The following CTTNBP2NL variants were observed in gnomAD, a reference collection of about 807,000 sequenced individuals.
The protein encoded by CTTNBP2NL is CTTNBP2 N-terminal-like protein.
Under a neutral mutation model 32.5 loss-of-function variants are expected in CTTNBP2NL, and 16 were observed. That is an observed-to-expected ratio of 0.49 (90% confidence interval 0.33 to 0.75). The LOEUF (loss-of-function observed/expected upper bound fraction) is 0.75, where lower values mean the gene tolerates loss of function less well. CTTNBP2NL is among the 30% of genes least tolerant of loss of function. The pLI is 0.02. For missense variants in CTTNBP2NL, 645 were observed against 756.0 expected (o/e 0.85, Z 1.72); for synonymous variants, 298 against 289.4 (o/e 1.03, Z -0.30).
At chr1:112,415,515 A>G (rs1570721297) in intron 2 of CTTNBP2NL, among the ~76,000 whole-genome samples, 1 of 151,352 alleles carries the variant, frequency 6.6e-6, no homozygotes, top group South Asian at 2.1e-4. Context: ...TTATAACACA[A>G]TTTTACCTGA....
At chr1:112,413,635 G>A (rs1648952041) in intron 2 of CTTNBP2NL, among the ~76,000 whole-genome samples, 1 of 152,052 alleles carries the variant, frequency 6.6e-6, no homozygotes, top group Non-Finnish European at 1.5e-5. Context: ...TATTAGGTTT[G>A]TTAGAATTTT....
intron 3 of CTTNBP2NL, among the ~76,000 whole-genome samples, chr1:112,421,819 C>G (rs895983496): frequency 2.0e-5 from 3 of 152,144 alleles, no homozygotes; most frequent in African/African-American, 7.2e-5. Context: ...AGGGTGTACT[C>G]TGGTGCATGG....
At chr1:112,428,405 AG>A in intron 3 of CTTNBP2NL, among the ~76,000 whole-genome samples, 1 of 152,168 alleles carries the variant, frequency 6.6e-6, no homozygotes, top group Non-Finnish European at 1.5e-5. Flanking sequence ...TCAGACCTAC[AG>A]TTAAATTCTT....
chr1:112,421,242 A>T (rs1198208322), intron 3 of CTTNBP2NL, among the ~76,000 whole-genome samples: 1 of 150,436 alleles, frequency 6.6e-6, no homozygotes, highest in South Asian at 2.1e-4. Context: ...CTAGACTCGG[A>T]CTCCTAGCCT....
chr1:112,405,069 A>G (rs1648619901), intron 1 of CTTNBP2NL, among the ~76,000 whole-genome samples: 1 of 152,202 alleles, frequency 6.6e-6, no homozygotes, highest in Non-Finnish European at 1.5e-5. Context: ...CTCCATCTCA[A>G]AAAAAACAAA....
At chr1:112,429,590 A>G (rs1165656614) in intron 3 of CTTNBP2NL, among the ~76,000 whole-genome samples, 1 of 152,222 alleles carries the variant, frequency 6.6e-6, no homozygotes, top group Non-Finnish European at 1.5e-5. Flanking sequence ...AGATGTCCTT[A>G]GGCCTTTACA....
chr1:112,403,694 A>G (rs1010071847), intron 1 of CTTNBP2NL, among the ~76,000 whole-genome samples: 1 of 152,256 alleles, frequency 6.6e-6, no homozygotes, highest in South Asian at 2.1e-4. Context: ...AAGCAAAGGT[A>G]TGCGTTTACC....
intron 3 of CTTNBP2NL, among the ~76,000 whole-genome samples, chr1:112,443,721 AT>A (rs1320675444): frequency 6.6e-6 from 1 of 152,230 alleles, no homozygotes; most frequent in Non-Finnish European, 1.5e-5. Context: ...TTTCCAAAAA[AT>A]AAAGTTTAAT....
upstream of CTTNBP2NL, among the ~76,000 whole-genome samples, chr1:112,394,389 G>T (rs1174383028): frequency 6.6e-6 from 1 of 152,010 alleles, no homozygotes; most frequent in African/African-American, 2.4e-5. Context: ...GAGGAAATGG[G>T]ATTTTTCAAG....
intron 3 of CTTNBP2NL, among the ~76,000 whole-genome samples, chr1:112,443,495 TGAGTCACC>T (rs1649953543): frequency 7.9e-5 from 12 of 152,194 alleles, no homozygotes; most frequent in Admixed American, 7.9e-4. Context: ...ATTACAGGTG[TGAGTCACC>T]ACACCTGGCT....
At chr1:112,402,494 A>G (rs1648537621) in intron 1 of CTTNBP2NL, among the ~76,000 whole-genome samples, 1 of 152,206 alleles carries the variant, frequency 6.6e-6, no homozygotes, top group South Asian at 2.1e-4. Context: ...ACACGAGATA[A>G]GAATTGTAAG....
rs950527296 is a variant in CTTNBP2NL, at chr1:112,461,141, A to G, written c.*3729A>G. ...GTGTATCAGTGGCCAATTCATTAGT[A>G]AAAATAAAGGAGGGGAAAGGAGACT... is the stretch of plus-strand genomic sequence containing the variant. On this transcript the variant is annotated 3_prime_UTR_variant, in exon 6 of 6. Coordinates refer to ENST00000271277, the MANE Select transcript of CTTNBP2NL (RefSeq NM_018704.3). 3 of 152,190 alleles carry G rather than the reference A, an allele frequency of 2.0e-5. No individual in the cohort carries two copies. The highest frequency in any genetic ancestry group is 2.9e-5 in the Non-Finnish European group (2 of 68,036). The allele number at this position is 152,190 out of a possible 1,614,324, so 9.4% of individuals were successfully genotyped here. A position where few individuals can be genotyped will look rare whatever the true frequency, so the allele number is the denominator to read the frequency against.
At chr1:112,399,526 G>A (rs1648433629) in intron 1 of CTTNBP2NL, among the ~76,000 whole-genome samples, 1 of 152,118 alleles carries the variant, frequency 6.6e-6, no homozygotes. Flanking sequence ...AATACAATCA[G>A]TCTTCTCTGG....
chr1:112,401,073 AG>A (rs758528233), intron 1 of CTTNBP2NL, among the ~76,000 whole-genome samples: 2 of 152,154 alleles, frequency 1.3e-5, no homozygotes, highest in South Asian at 4.1e-4. Context: ...AGTAATTGAC[AG>A]GTATTATTAT....
chr1:112,409,192 C>T (rs905362280), intron 1 of CTTNBP2NL, among the ~76,000 whole-genome samples: 19 of 151,134 alleles, frequency 1.3e-4, no homozygotes, highest in African/African-American at 2.9e-4. Context: ...TAACTTTGCT[C>T]GCTAATCACT....
chr1:112,427,881 G>C (rs1329215643), intron 3 of CTTNBP2NL, among the ~76,000 whole-genome samples: 1 of 118,732 alleles, frequency 8.4e-6, no homozygotes, highest in Non-Finnish European at 1.7e-5. Flanking sequence ...GGGGGACAGA[G>C]CAAGACTCTG....
chr1:112,394,506 T>C (rs2488768), upstream of CTTNBP2NL, among the ~76,000 whole-genome samples: 70,676 of 152,098 alleles, frequency 0.46, 19,009 homozygotes, highest in African/African-American at 0.75. Flanking sequence ...GGCCCCTCAT[T>C]TTAGCTTTCA....
intron 3 of CTTNBP2NL, among the ~76,000 whole-genome samples, chr1:112,422,781 TTTTG>T (rs1649269107): frequency 6.6e-6 from 1 of 152,138 alleles, no homozygotes; most frequent in African/African-American, 2.4e-5. Flanking sequence ...TATTATGTTT[TTTTG>T]TTTGTTTTTG....
chr1:112,452,335 C>CTT (rs1157736195), intron 4 of CTTNBP2NL, among the ~76,000 whole-genome samples: 959 of 65,706 alleles, frequency 0.015, 79 homozygotes, highest in African/African-American at 0.049. Context: ...CCAGTCTCTT[C>CTT]TTTTTTTTTT....
Sources: gnomAD v4.1 joint callset for allele counts (sites outside exome capture counted in the v4.1 genomes callset) on GRCh38, gnomAD v4.1.1 for gene constraint, MANE v1.5 for transcripts, NCBI Gene and HGNC (gene_info 2026-07-23, HGNC 2026-07-21) for gene names.